The following CNBD1 variants were observed in gnomAD, a reference collection of about 807,000 sequenced individuals.
CNBD1 encodes the protein cyclic nucleotide binding domain containing 1, also known as cyclic nucleotide-binding domain-containing protein 1.
In CNBD1, 71 loss-of-function variants were observed where a neutral mutation model predicts 54.4. That is an observed-to-expected ratio of 1.30 (90% confidence interval 1.08 to 1.59). CNBD1 has a LOEUF of 1.59. Among genes scored for constraint, CNBD1 ranks in the 40% most tolerant of loss-of-function variants. The pLI, the probability that CNBD1 is intolerant of heterozygous loss-of-function variation, is 0.00. For missense variants in CNBD1, 659 were observed against 518.0 expected, an observed-to-expected ratio of 1.27 and a Z score of -2.64; for synonymous variants, 182 against 170.7, an observed-to-expected ratio of 1.07 and a Z score of -0.51.
At chr8:87,060,074 C>A (rs908613107) in intron 4 of CNBD1, among the ~76,000 whole-genome samples, 4 of 152,210 alleles carry the variant, frequency 2.6e-5, no homozygotes, top group Non-Finnish European at 5.9e-5. Context: ...CAGCCCTTCA[C>A]TGGCCACACA....
chr8:87,167,789 T>C (rs1231466417), intron 4 of CNBD1, among the ~76,000 whole-genome samples: 1 of 152,072 alleles, frequency 6.6e-6, no homozygotes, highest in African/African-American at 2.4e-5. Flanking sequence ...TATAGTCATG[T>C]GTCACTTAAC....
chr8:87,206,214 C>CA, intron 5 of CNBD1, 76 bp downstream of exon 5: 2 of 1,113,526 alleles, frequency 1.8e-6, no homozygotes, highest in Non-Finnish European at 2.4e-6. Context: ...CATTATAATG[C>CA]TTATAATTTC....
chr8:87,085,192 C>A (rs1403379011), intron 4 of CNBD1, among the ~76,000 whole-genome samples: 1 of 152,122 alleles, frequency 6.6e-6, no homozygotes, highest in African/African-American at 2.4e-5. Context: ...TGCTGTTGAT[C>A]CCATCAAAGG....
At chr8:87,119,620 G>T (rs191386470) in intron 4 of CNBD1, among the ~76,000 whole-genome samples, 1 of 151,898 alleles carries the variant, frequency 6.6e-6, no homozygotes, top group African/African-American at 2.4e-5. Context: ...GAATTACGTC[G>T]AATAGGAGTG....
chr8:86,894,330 G>T (rs1032698679), intron 2 of CNBD1, among the ~76,000 whole-genome samples: 1 of 151,666 alleles, frequency 6.6e-6, no homozygotes, highest in Admixed American at 6.6e-5. Context: ...CGAAGTGCTG[G>T]GATTACAGGC....
intron 10 of CNBD1, among the ~76,000 whole-genome samples, chr8:87,377,020 T>G (rs552201416): frequency 2.0e-5 from 3 of 148,754 alleles, no homozygotes; most frequent in Non-Finnish European, 4.5e-5. Flanking sequence ...TTATTTTTTT[T>G]CTTTTTTTTT....
At chr8:87,389,172 T>C (rs967994204) in intron 2 of CNBD1, among the ~76,000 whole-genome samples, 1 of 152,056 alleles carries the variant, frequency 6.6e-6, no homozygotes, top group Non-Finnish European at 1.5e-5. Context: ...CTGGAAGCAT[T>C]CCCTTTGAAA....
chr8:87,366,180 G>C (rs62526816), intron 10 of CNBD1, among the ~76,000 whole-genome samples: 6,658 of 152,134 alleles, frequency 0.044, 190 homozygotes, highest in Non-Finnish European at 0.06. Context: ...TTGTAGGTCA[G>C]ATGTCTGGGC....
At chr8:86,905,304 T>C in intron 3 of CNBD1, 110 bp downstream of exon 3, 1 of 646,764 alleles carries the variant, frequency 1.5e-6, no homozygotes, top group Admixed American at 2.5e-5. Flanking sequence ...CAGTCAAATA[T>C]TTAGTGTGGA....
At chr8:87,203,183 A>G (rs1357583889) in intron 4 of CNBD1, among the ~76,000 whole-genome samples, 2 of 152,210 alleles carry the variant, frequency 1.3e-5, no homozygotes, top group African/African-American at 4.8e-5. Flanking sequence ...TTATCTACAG[A>G]AAGAATATCA....
intron 2 of CNBD1, among the ~76,000 whole-genome samples, chr8:86,898,212 A>G (rs537906013): frequency 7.8e-4 from 119 of 152,304 alleles, no homozygotes; most frequent in Non-Finnish European, 1.2e-3. Flanking sequence ...GTATATAAAG[A>G]CACAAAAAAG....
intron 2 of CNBD1, among the ~76,000 whole-genome samples, chr8:87,410,986 G>A (rs79597124): frequency 0.011 from 1,656 of 152,072 alleles, 40 homozygotes; most frequent in African/African-American, 0.037. Context: ...TAGATATACT[G>A]CTATTGCACT....
chr8:87,417,389 C>T (rs1807855042), intron 2 of CNBD1, among the ~76,000 whole-genome samples: 1 of 151,846 alleles, frequency 6.6e-6, no homozygotes, highest in African/African-American at 2.4e-5. Flanking sequence ...GGTGGGAACA[C>T]AGCAAAACCA....
intron 6 of CNBD1, among the ~76,000 whole-genome samples, chr8:87,271,442 C>A: frequency 6.6e-6 from 1 of 151,896 alleles, no homozygotes; most frequent in East Asian, 1.9e-4. Flanking sequence ...TAATATGTTG[C>A]ATGTCAATTT....
At chr8:87,314,312 TTA>T (rs1491292592) in intron 8 of CNBD1, among the ~76,000 whole-genome samples, 1 of 151,538 alleles carries the variant, frequency 6.6e-6, no homozygotes. Flanking sequence ...ATCTCATTTT[TTA>T]AAAAAAAAGA....
At chr8:86,937,286 C>T (rs1177271534) in intron 3 of CNBD1, among the ~76,000 whole-genome samples, 1 of 152,146 alleles carries the variant, frequency 6.6e-6, no homozygotes, top group Non-Finnish European at 1.5e-5. Flanking sequence ...TCAGATACCT[C>T]CCACTGGGTC....
intron 6 of CNBD1, among the ~76,000 whole-genome samples, chr8:87,253,898 T>A (rs1399294296): frequency 6.6e-6 from 1 of 152,126 alleles, no homozygotes; most frequent in Non-Finnish European, 1.5e-5. Context: ...TTTAGTTACA[T>A]AAAAAATCAA....
chr8:87,334,585 TA>T (rs1202551421), intron 8 of CNBD1, among the ~76,000 whole-genome samples: 2 of 152,128 alleles, frequency 1.3e-5, no homozygotes, highest in African/African-American at 4.8e-5. Context: ...TTTCTGTTTT[TA>T]TTTGTTTCAA....
intron 6 of CNBD1, among the ~76,000 whole-genome samples, chr8:87,279,861 A>G (rs1447808980): frequency 6.6e-6 from 1 of 150,748 alleles, no homozygotes; most frequent in Admixed American, 6.6e-5. Flanking sequence ...GGGACATAAT[A>G]GGAAGCCATG....
Sources: allele counts gnomAD v4.1 joint callset (sites outside exome capture counted in the v4.1 genomes callset), GRCh38; gene constraint gnomAD v4.1.1; transcripts MANE v1.5; gene names NCBI Gene and HGNC (gene_info 2026-07-23, HGNC 2026-07-21).